Variants in PCDHGA3 observed in about 807,000 individuals in gnomAD.
PCDHGA3 encodes the protein protocadherin gamma-A3.
PCDHGA3 carries 40 observed loss-of-function variants against 58.5 expected under a neutral mutation model. The observed-to-expected ratio is 0.68, with a 90% confidence interval of 0.53 to 0.89. The LOEUF (loss-of-function observed/expected upper bound fraction) is 0.89, where lower values mean the gene tolerates loss of function less well. Among genes scored for constraint, PCDHGA3 ranks in the 40% least tolerant of loss-of-function variants. The pLI is 0.00. For synonymous variants in PCDHGA3, 530 were observed against 525.7 expected (o/e 1.01, Z -0.11); for missense variants, 1,223 against 1,195.9 (o/e 1.02, Z -0.33).
At chr5:141,428,551 G>A (rs1192248816) in intron 1 of PCDHGA3, 1 of 254,070 alleles carries the variant, frequency 3.9e-6, no homozygotes, top group Non-Finnish European at 7.8e-6. Flanking sequence ...ACCAGAAACA[G>A]TCCCCCCACA....
intron 1 of PCDHGA3, chr5:141,418,379 C>T: frequency 6.2e-7 from 1 of 1,613,966 alleles, no homozygotes; most frequent in Non-Finnish European, 8.5e-7. Flanking sequence ...CCAACTAAGT[C>T]CTAACGAGTA....
intron 1 of PCDHGA3, among the ~76,000 whole-genome samples, chr5:141,348,832 G>A (rs1182430237): frequency 2.6e-4 from 40 of 152,212 alleles, no homozygotes; most frequent in Non-Finnish European, 5.9e-5. Flanking sequence ...AATAGAGTAT[G>A]AGTATGGGTG....
chr5:141,499,423 G>GA (rs1229901490), intron 2 of PCDHGA3, among the ~76,000 whole-genome samples: 1 of 151,754 alleles, frequency 6.6e-6, no homozygotes, highest in Non-Finnish European at 1.5e-5. Flanking sequence ...ATGAAAAATA[G>GA]AAAAAAAATT....
chr5:141,509,787 TCTC>T (rs2099878266), intron 3 of PCDHGA3, among the ~76,000 whole-genome samples: 1 of 152,132 alleles, frequency 6.6e-6, no homozygotes, highest in Non-Finnish European at 1.5e-5. Context: ...GAGATCATCA[TCTC>T]CTCAGCTTCA....
intron 1 of PCDHGA3, chr5:141,364,809 C>T (rs779195716): frequency 3.1e-6 from 5 of 1,613,834 alleles, no homozygotes; most frequent in Non-Finnish European, 4.2e-6. Flanking sequence ...GCGCGGGATG[C>T]GGATGTGGGT....
chr5:141,436,383 G>A (rs1374382672), intron 1 of PCDHGA3, among the ~76,000 whole-genome samples: 1 of 152,104 alleles, frequency 6.6e-6, no homozygotes, highest in Admixed American at 6.5e-5. Flanking sequence ...AGCTGAATAG[G>A]CTTTATTAAA....
intron 1 of PCDHGA3, chr5:141,478,693 G>A: frequency 6.4e-7 from 1 of 1,550,764 alleles, no homozygotes; most frequent in Non-Finnish European, 8.7e-7. Context: ...CTAGATCAAA[G>A]TTAGTGCCTT....
In PCDHGA3 at chr5:141,487,829, C is replaced by T. The variant is rs528435429; in HGVS notation, c.2425-6978C>T. On this transcript the variant is annotated intron_variant, in intron 1 of 3. Transcript: ENST00000253812. The surrounding 1 kb of genome is among the most constrained non-coding windows in gnomAD (Gnocchi z 5.0). ...GTTTAGCATTGGGGGCGGGTCATGC[C>T]TATATCTGAGTAAGAAATGAAAGTA... The T allele has an allele frequency of 1.1e-4, 125 of 1,182,994 alleles. No homozygotes were observed. In the Middle Eastern group the frequency reaches 3.7e-3, roughly 35 times the overall value. 73.3% of individuals were successfully genotyped at this position (1,182,994 alleles called of 1,614,324 possible).
chr5:141,499,689 CTTTTTTTTTTTT>C (rs545067566), intron 2 of PCDHGA3, among the ~76,000 whole-genome samples: 1 of 119,856 alleles, frequency 8.3e-6, no homozygotes, highest in Non-Finnish European at 1.7e-5. Flanking sequence ...TAACAGATGA[CTTTTTTTTTTTT>C]TTTTTTTTTT....
chr5:141,428,858 GACT>G (rs1348026268), intron 1 of PCDHGA3: 1 of 139,194 alleles, frequency 7.2e-6, no homozygotes, highest in African/African-American at 3.0e-5. Flanking sequence ...TTTTACGGGA[GACT>G]TTTTTTTTTT....
At chr5:141,418,778 T>A (rs1256260275) in intron 1 of PCDHGA3, 1 of 1,613,626 alleles carries the variant, frequency 6.2e-7, no homozygotes, top group East Asian at 2.2e-5. Flanking sequence ...TCAGCAGCCT[T>A]TGGATTTTGA....
chr5:141,388,448 C>CA, intron 1 of PCDHGA3: 1 of 1,613,760 alleles, frequency 6.2e-7, no homozygotes, highest in Non-Finnish European at 8.5e-7. Context: ...AATCAGATGG[C>CA]AGTAAATACC....
intron 1 of PCDHGA3, chr5:141,399,103 C>CA (rs755732381): frequency 6.2e-7 from 1 of 1,613,604 alleles, no homozygotes; most frequent in African/African-American, 1.3e-5. Context: ...ACTGGTTGCA[C>CA]AATGTACAGT....
At chr5:141,408,910 T>A in intron 1 of PCDHGA3, 1 of 1,613,256 alleles carries the variant, frequency 6.2e-7, no homozygotes, top group Non-Finnish European at 8.5e-7. Flanking sequence ...AGGATACCAA[T>A]GATAACCCCC....
Position 141,491,300 on chromosome 5 carries a change from G to A in PCDHGA3, c.2425-3507G>A, listed in dbSNP as rs2099710472. On this transcript the variant is annotated intron_variant, in intron 1 of 3. Coordinates refer to ENST00000253812, the MANE Select transcript of PCDHGA3 (RefSeq NM_018916.4). This position sits in a 1 kb window ranked among gnomAD's most constrained non-coding sequence, Gnocchi z 6.9. ...GACTTCCTCATACACCCTCCTGAGC[G>A]TTCAGACCTTACCCTTTACCTCATT... 1 of 1,614,136 alleles carries A rather than the reference G, an allele frequency of 6.2e-7. No homozygotes were observed. The highest frequency in any genetic ancestry group is 1.1e-5 in the South Asian group (1 of 91,086).
chr5:141,383,820 A>T, intron 1 of PCDHGA3: 1 of 1,613,924 alleles, frequency 6.2e-7, no homozygotes, highest in East Asian at 2.2e-5. Context: ...TAGAAGGATT[A>T]GATTATGAAG....
At chr5:141,443,871 G>A (rs1395939418) in intron 1 of PCDHGA3, among the ~76,000 whole-genome samples, 1 of 152,112 alleles carries the variant, frequency 6.6e-6, no homozygotes, top group East Asian at 1.9e-4. Context: ...AAAAATTACT[G>A]ATAAGTCAAG....
At chr5:141,404,161 ATTG>A in intron 1 of PCDHGA3, 1 of 1,613,152 alleles carries the variant, frequency 6.2e-7, no homozygotes, top group South Asian at 1.1e-5. Context: ...ATTATTACAG[ATTG>A]TTGACGGCCC....
At chr5:141,422,965 C>T (rs2096693602) in intron 1 of PCDHGA3, 2 of 1,614,116 alleles carry the variant, frequency 1.2e-6, no homozygotes, top group African/African-American at 2.7e-5. Context: ...GGAGCTGGCG[C>T]CCCGCTCTGC....
Sources: gnomAD v4.1 joint callset for allele counts (sites outside exome capture counted in the v4.1 genomes callset) on GRCh38, gnomAD v4.1.1 for gene constraint, Gnocchi (gnomAD v3.1) non-coding constraint, MANE v1.5 for transcripts, NCBI Gene and HGNC (gene_info 2026-07-23, HGNC 2026-07-21) for gene names.